EXTL2: variants seen among roughly 807,000 people sequenced by gnomAD.
EXTL2 encodes exostosin like glycosyltransferase 2, also known as exostosin-like 2.
In EXTL2, 23 loss-of-function variants were observed where a neutral mutation model predicts 30.7. The ratio of observed to expected loss-of-function variants is 0.75; its 90% CI spans 0.54 to 1.06. EXTL2 has a LOEUF of 1.06. EXTL2 is among the 50% of genes least tolerant of loss of function. The pLI, the probability that EXTL2 is intolerant of heterozygous loss-of-function variation, is 0.00. For missense variants in EXTL2, 352 were observed against 396.3 expected (o/e 0.89, Z 0.95); for synonymous variants, 123 against 133.8 (o/e 0.92, Z 0.56).
At chr1:100,887,797 C>G (rs1036609469) in intron 2 of EXTL2, among the ~76,000 whole-genome samples, 6 of 152,072 alleles carry the variant, frequency 3.9e-5, no homozygotes, top group Non-Finnish European at 5.9e-5. Flanking sequence ...TCCGCCTCCC[C>G]GGGTCATTCT....
intron 2 of EXTL2, among the ~76,000 whole-genome samples, chr1:100,879,129 C>T (rs954042871): frequency 1.3e-5 from 2 of 152,142 alleles, no homozygotes; most frequent in African/African-American, 4.8e-5. Flanking sequence ...TTTATAGATG[C>T]CTAAAACTCT....
intron 2 of EXTL2, among the ~76,000 whole-genome samples, chr1:100,887,520 T>C (rs1472564276): frequency 6.6e-6 from 1 of 152,138 alleles, no homozygotes; most frequent in Non-Finnish European, 1.5e-5. Context: ...ATGTTATAGA[T>C]TACCTCAAAC....
At chr1:100,885,718 G>A (rs1292948031) in intron 2 of EXTL2, 2 of 152,170 alleles carry the variant, frequency 1.3e-5, no homozygotes, top group Non-Finnish European at 2.9e-5. Flanking sequence ...TCGGGGAAGA[G>A]TTTTTGATGT....
In EXTL2 at chr1:100,877,444, C is replaced by T. The variant is rs1292760817; in HGVS notation, c.433+32G>A. On this transcript the variant is annotated intron_variant, in intron 3 of 4. Transcript: ENST00000370114. The surrounding 1 kb of genome is among the most constrained non-coding windows in gnomAD (Gnocchi z 4.1). The stretch of plus-strand genomic sequence containing the variant: ...TGTCCCAGCTCTGGACAGCGGCAGC[C>T]TTTCCAGGCTGAGAACTACACTGCA... 9 of 1,529,736 alleles carry T rather than the reference C, an allele frequency of 5.9e-6. No individual in the cohort carries two copies. Among genetic ancestry groups the T allele is most frequent in the South Asian group, 2.6e-5 (2 of 76,676 alleles). The allele number at this position is 1,529,736 out of a possible 1,614,324, so 94.8% of individuals were successfully genotyped here. A position where few individuals can be genotyped will look rare whatever the true frequency, so the allele number is the denominator to read the frequency against.
chr1:100,873,193 C>G lies in EXTL2; in HGVS notation c.*749G>C, dbSNP rs1325239715. On this transcript the variant is annotated 3_prime_UTR_variant, in exon 5 of 5. Coordinates refer to ENST00000370114, the MANE Select transcript of EXTL2 (RefSeq NM_001033025.3). ...CAGATTCAGTGACAAAATGCACTAC[C>G]CGAATCTAGTAACACATTTACTCCT... 1 of 151,852 alleles carries G rather than the reference C, an allele frequency of 6.6e-6. No individual in the cohort carries two copies. Among genetic ancestry groups the G allele is most frequent in the Admixed American group, 6.6e-5 (1 of 15,214 alleles). 9.4% of individuals were successfully genotyped at this position (151,852 alleles called of 1,614,324 possible). A position where few individuals can be genotyped will look rare whatever the true frequency, so the allele number is the denominator to read the frequency against.
intron 2 of EXTL2, among the ~76,000 whole-genome samples, chr1:100,887,917 T>C (rs1650100743): frequency 6.6e-6 from 1 of 152,178 alleles, no homozygotes; most frequent in Admixed American, 6.5e-5. Flanking sequence ...GCCAGGATGG[T>C]CTCGATCTCC....
In EXTL2 at chr1:100,873,772, G is replaced by T; in HGVS notation, c.*170C>A. 1 of 635,852 alleles carries T rather than the reference G, an allele frequency of 1.6e-6. No individual in the cohort carries two copies. Among genetic ancestry groups the T allele is most frequent in the Non-Finnish European group, 2.5e-6 (1 of 392,736 alleles). The allele number at this position is 635,852 out of a possible 1,614,324, so 39.4% of individuals were successfully genotyped here. ...CTAACTGGATAAGACCAACTTCTTGGCTTTCAAAAGTAATGTGAATTTTAT... is the reference window on the plus strand; with the variant it reads ...CTAACTGGATAAGACCAACTTCTTGTCTTTCAAAAGTAATGTGAATTTTAT... On this transcript the variant is annotated 3_prime_UTR_variant, in exon 5 of 5. Transcript: ENST00000370114.
At chr1:100,886,916 T>G (rs184742876) in intron 2 of EXTL2, among the ~76,000 whole-genome samples, 1 of 152,282 alleles carries the variant, frequency 6.6e-6, no homozygotes, top group East Asian at 1.9e-4. Context: ...TCCATGGACA[T>G]ATATTAGGGC....
rs1286516478 is a variant in EXTL2, at chr1:100,873,849, T to C, written c.*93A>G. ...CTATTGTAGAGACTTCTGGAGTAGA[T>C]AAAATTCATGATGTTGCTTAAAAAA... is the stretch of plus-strand genomic sequence containing the variant. On this transcript the variant is annotated 3_prime_UTR_variant, in exon 5 of 5. Coordinates refer to ENST00000370114, the MANE Select transcript of EXTL2 (RefSeq NM_001033025.3). 2.3e-6 allele frequency: 3 copies of C among 1,314,428 alleles called. No homozygotes were observed. Among genetic ancestry groups the C allele is most frequent in the African/African-American group, 1.5e-5 (1 of 67,534 alleles). The allele number at this position is 1,314,428 out of a possible 1,614,324, so 81.4% of individuals were successfully genotyped here.
chr1:100,881,316 G>C (rs1480708574), intron 2 of EXTL2, among the ~76,000 whole-genome samples: 1 of 152,116 alleles, frequency 6.6e-6, no homozygotes. Context: ...ATGACTTTAT[G>C]GCTAGAAGGA....
At chr1:100,882,735 T>C (rs1323524282) in intron 2 of EXTL2, among the ~76,000 whole-genome samples, 1 of 152,176 alleles carries the variant, frequency 6.6e-6, no homozygotes, top group African/African-American at 2.4e-5. Flanking sequence ...GGCAGGAGGA[T>C]AGCTGGAGCC....
rs527505175 is a variant in EXTL2 at position 100,888,427 on chromosome 1, A to G, written c.5+326T>C. On this transcript the variant is annotated intron_variant, in intron 2 of 4. Coordinates refer to ENST00000370114, the MANE Select transcript of EXTL2 (RefSeq NM_001033025.3). ...CACAACATAGATGAATCTTGAAGAC[A>G]TTATGTTAATTGAAATAAGCAGTCA... The G allele has an allele frequency of 2.7e-5, 6 of 219,710 alleles. No individual in the cohort carries two copies. In the East Asian group the frequency reaches 5.7e-4, roughly 21 times the overall value. 13.6% of individuals were successfully genotyped at this position (219,710 alleles called of 1,614,324 possible).
chr1:100,875,605 C>T (rs1356385660), intron 4 of EXTL2, among the ~76,000 whole-genome samples: 3 of 151,972 alleles, frequency 2.0e-5, no homozygotes, highest in African/African-American at 4.8e-5. Context: ...AATGTCTACT[C>T]GAATCTTGCT....
Position 100,874,330 on chromosome 1 carries a change from G to A in EXTL2, c.605C>T (p.Ser202Phe). 1 of 1,612,874 alleles carries A rather than the reference G, an allele frequency of 6.2e-7. No individual in the cohort carries two copies. Among genetic ancestry groups the A allele is most frequent in the Non-Finnish European group, 8.5e-7 (1 of 1,179,386 alleles). Residue 202 changes from serine to phenylalanine, a missense_variant, in exon 5 of 5, where the codon TCT (serine) becomes TTT (phenylalanine). Transcript: ENST00000370114. Reference protein sequence around the residue: ...YGSFEMQAPGSGNGDQYSMVL... With the variant: ...YGSFEMQAPGFGNGDQYSMVL... Reference sequence around the variant, plus strand: ...CATAGAGTACTGGTCACCATTTCCAGACCCTGGTGCTTGCATTTCAAAACT... The same window carrying A: ...CATAGAGTACTGGTCACCATTTCCAAACCCTGGTGCTTGCATTTCAAAACT...
At position 100,873,516 on chromosome 1, in the gene EXTL2, C is replaced by T. The variant is rs1435771624; in HGVS notation, c.*426G>A. On this transcript the variant is annotated 3_prime_UTR_variant, in exon 5 of 5. Transcript: ENST00000370114. ...TCTTCTTACATGGCTTTACCCCATA[C>T]CACAGGCTTTTGCTAAAGAGGCATT... The T allele has an allele frequency of 6.3e-6, 1 of 158,606 alleles. No homozygotes were observed. The highest frequency in any genetic ancestry group is 2.4e-5 in the African/African-American group (1 of 41,460). The allele number at this position is 158,606 out of a possible 1,614,324, so 9.8% of individuals were successfully genotyped here.
At position 100,883,901 on chromosome 1, in the gene EXTL2, A is replaced by G. The variant is rs189722501; in HGVS notation, c.5+4852T>C. On this transcript the variant is annotated intron_variant, in intron 2 of 4. Coordinates refer to ENST00000370114, the MANE Select transcript of EXTL2 (RefSeq NM_001033025.3). ...TAGAATAAGAAAGTAAATAATATAT[A>G]GTATATTAAATAACAGTACAAATTC... Among the ~76,000 whole-genome samples the G allele has an allele frequency of 1.0e-3, 154 of 152,326 alleles. 1 individual carries two copies. Among genetic ancestry groups the G allele is most frequent in the African/African-American group, 3.6e-3 (149 of 41,580 alleles).
Position 100,872,546 on chromosome 1 carries a change from C to G in EXTL2, c.*1396G>C, listed in dbSNP as rs560301632. 2 of 152,138 alleles carry G rather than the reference C, an allele frequency of 1.3e-5. No homozygotes were observed. The highest frequency in any genetic ancestry group is 2.9e-5 in the Non-Finnish European group (2 of 67,902). 9.4% of individuals were successfully genotyped at this position (152,138 alleles called of 1,614,324 possible). On this transcript the variant is annotated 3_prime_UTR_variant, in exon 5 of 5. Coordinates refer to ENST00000370114, the MANE Select transcript of EXTL2 (RefSeq NM_001033025.3). ...TTTACAATCTGACTGCATTAAGACA[C>G]ATATACTCTTTAATGTAAAAAAAAA...
chr1:100,877,644 C>T lies in EXTL2; in HGVS notation c.265G>A (p.Val89Ile). ...LLKLLNHYQA[V>I]PNLHKVIVVW... ...ACAATCACTTTGTGCAGATTTGGTA[C>T]AGCCTGATAATGATTTAAAAGTTTC... The change falls in exon 3 of 5, where the codon GTA (valine) becomes ATA (isoleucine). Residue 89 changes from valine (V) to isoleucine (I), a missense_variant. By Grantham distance (29) the Val-to-Ile change is conservative. Transcript: ENST00000370114. The surrounding 1 kb of genome is among the most constrained non-coding windows in gnomAD (Gnocchi z 4.1). 6.2e-7 allele frequency: 1 copy of T among 1,613,592 alleles called. No homozygotes were observed. Among genetic ancestry groups the T allele is most frequent in the Non-Finnish European group, 8.5e-7 (1 of 1,179,678 alleles).
In EXTL2 at chr1:100,874,000, G is replaced by T; in HGVS notation, c.935C>A (p.Ser312Tyr). The T allele has an allele frequency of 1.3e-6, 2 of 1,598,040 alleles. No homozygotes were observed. The highest frequency in any genetic ancestry group is 2.2e-5 in the East Asian group (1 of 44,742). ...ACCAAACTGGGAAATCATAATGTTG[G>T]AGTATCTTAAGGGCATGCTATCATA... ...NIYDSMPLRY[S>Y]NIMISQFGFP... is the part of the protein sequence containing the mutation. Residue 312 changes from serine (S) to tyrosine (Y), a missense_variant, in exon 5 of 5, where the codon TCC becomes TAC. Physicochemically the swap from Ser to Tyr is moderately radical, Grantham distance 144. Coordinates refer to ENST00000370114, the MANE Select transcript of EXTL2 (RefSeq NM_001033025.3).
Sources: allele counts gnomAD v4.1 joint callset (sites outside exome capture counted in the v4.1 genomes callset), GRCh38; gene constraint gnomAD v4.1.1; non-coding constraint Gnocchi (gnomAD v3.1); transcripts MANE v1.5; gene names NCBI Gene and HGNC (gene_info 2026-07-23, HGNC 2026-07-21).